Variants in CPA5 observed in about 807,000 individuals in gnomAD.
CPA5 encodes the protein carboxypeptidase A5.
CPA5 carries 38 observed loss-of-function variants against 52.2 expected under a neutral mutation model. The ratio of observed to expected loss-of-function variants is 0.73; its 90% CI spans 0.56 to 0.95. CPA5 has a LOEUF of 0.95. CPA5 is among the 40% of genes least tolerant of loss of function. The probability of loss-of-function intolerance (pLI) is 0.00; values close to 1 mark genes in which losing one functional copy is unlikely to be tolerated. For synonymous variants in CPA5, 198 were observed against 213.7 expected, an observed-to-expected ratio of 0.93 and a Z score of 0.64; for missense variants, 519 against 566.7, an observed-to-expected ratio of 0.92 and a Z score of 0.86.
chr7:130,352,283 A>G (rs1554404112), intron 5 of CPA5, among the ~76,000 whole-genome samples: 2 of 152,218 alleles, frequency 1.3e-5, no homozygotes, highest in East Asian at 1.9e-4. Flanking sequence ...TGTGCTGTGC[A>G]TCGGGCAAGG....
chr7:130,364,744 G>T (rs1795981571), intron 10 of CPA5, among the ~76,000 whole-genome samples: 1 of 152,234 alleles, frequency 6.6e-6, no homozygotes, highest in Non-Finnish European at 1.5e-5. Context: ...TCCCAGTGAG[G>T]GGGAGGGGGC....
chr7:130,368,403 T>A lies in CPA5; in HGVS notation c.1124-7T>A. ...TGTGGGGCACATTTTGGAACTTTTG[T>A]TTCTAGATGTGGCCAGTGGGATCAC... is the stretch of plus-strand genomic sequence containing the variant. On this transcript the variant is annotated splice_polypyrimidine_tract_variant and splice_region_variant and intron_variant, in intron 12 of 12. Coordinates refer to ENST00000474905, the MANE Select transcript of CPA5 (RefSeq NM_080385.5). 6.2e-7 allele frequency: 1 copy of A among 1,613,218 alleles called. No individual in the cohort carries two copies. Among genetic ancestry groups the A allele is most frequent in the Non-Finnish European group, 8.5e-7 (1 of 1,179,478 alleles).
chr7:130,359,444 T>G, intron 5 of CPA5, 145 bp from the exon 6 acceptor site: 1 of 580,042 alleles, frequency 1.7e-6, no homozygotes, highest in Non-Finnish European at 3.1e-6. Context: ...TGGACCTTCC[T>G]TCTGTTGTGC....
At chr7:130,371,740 A>C (rs2117486001), downstream of CPA5, among the ~76,000 whole-genome samples, 1 of 152,152 alleles carries the variant, frequency 6.6e-6, no homozygotes, top group East Asian at 1.9e-4. Flanking sequence ...TATTTTTAGT[A>C]GAGACAGGGT....
chr7:130,354,644 C>A (rs1156379312), intron 5 of CPA5, among the ~76,000 whole-genome samples: 1 of 151,916 alleles, frequency 6.6e-6, no homozygotes, highest in Non-Finnish European at 1.5e-5. Flanking sequence ...AAACTCCTGG[C>A]CTCAAGTGAT....
intron 5 of CPA5, among the ~76,000 whole-genome samples, chr7:130,357,799 T>C (rs1795565190): frequency 6.6e-6 from 1 of 152,212 alleles, no homozygotes. Flanking sequence ...TCAGGGGTCC[T>C]TGAGTTTTCA....
At chr7:130,348,611 C>G (rs1362282545) in intron 4 of CPA5, among the ~76,000 whole-genome samples, 1 of 152,182 alleles carries the variant, frequency 6.6e-6, no homozygotes, top group African/African-American at 2.4e-5. Context: ...GTGTTCATGT[C>G]CCAGATGATG....
chr7:130,366,478 G>A (rs1464365541), intron 10 of CPA5, among the ~76,000 whole-genome samples: 1 of 152,176 alleles, frequency 6.6e-6, no homozygotes, highest in African/African-American at 2.4e-5. Flanking sequence ...CAGAGATGGG[G>A]CGAAGGCAAA....
chr7:130,362,925 AC>A lies in CPA5; in HGVS notation c.679del (p.Leu227Ter). 6.2e-7 allele frequency: 1 copy of A among 1,613,774 alleles called. No individual in the cohort carries two copies. The highest frequency in any genetic ancestry group is 8.5e-7 in the Non-Finnish European group (1 of 1,179,760). ...YGKDRVLTDI[L>X]NAMDIFIELV... ...GCAAAGACCGTGTCCTGACAGACAT[AC>A]TGAATGCCATGGACATCTTCATAGA... On this transcript the variant is annotated frameshift_variant, in exon 9 of 13. Coordinates refer to ENST00000474905, the MANE Select transcript of CPA5 (RefSeq NM_080385.5). LOFTEE classifies it high-confidence loss of function.
chr7:130,374,397 T>G, the CPA5 span, among the ~76,000 whole-genome samples: 1 of 152,116 alleles, frequency 6.6e-6, no homozygotes, highest in Non-Finnish European at 1.5e-5. Flanking sequence ...ACCAGGCTCT[T>G]GCTCTGGGGC....
downstream of CPA5, among the ~76,000 whole-genome samples, chr7:130,372,298 A>T (rs1290619067): frequency 6.6e-6 from 1 of 152,210 alleles, no homozygotes; most frequent in African/African-American, 2.4e-5. Flanking sequence ...CACACAGAAG[A>T]TTCTCTATAT....
chr7:130,346,149 C>T (rs1237768957), intron 2 of CPA5, among the ~76,000 whole-genome samples: 1 of 152,152 alleles, frequency 6.6e-6, no homozygotes, highest in African/African-American at 2.4e-5. Context: ...GAGGGGTATC[C>T]CAGGGCTGCT....
At chr7:130,367,700 C>G (rs782282989) in intron 11 of CPA5, 129 bp downstream of exon 11, 1 of 975,352 alleles carries the variant, frequency 1.0e-6, no homozygotes, top group South Asian at 1.4e-5. Flanking sequence ...CCCCATGGTG[C>G]GGGGGTGGGG....
chr7:130,351,968 G>T (rs1274081233), intron 5 of CPA5, among the ~76,000 whole-genome samples: 3 of 152,076 alleles, frequency 2.0e-5, no homozygotes, highest in Admixed American at 6.5e-5. Context: ...CTCAGCCAAG[G>T]TTCAGCTCCA....
chr7:130,351,073 G>T (rs935148371), intron 5 of CPA5, among the ~76,000 whole-genome samples: 4 of 152,194 alleles, frequency 2.6e-5, no homozygotes, highest in Non-Finnish European at 5.9e-5. Context: ...GGGGATCAAC[G>T]CATCAGGCAG....
intron 5 of CPA5, among the ~76,000 whole-genome samples, chr7:130,357,952 CTGTGTGTG>C (rs60840017): frequency 0.012 from 1,630 of 140,020 alleles, 11 homozygotes; most frequent in South Asian, 0.028. Context: ...TTTTGTGCCT[CTGTGTGTG>C]TGTGTGTGTG....
chr7:130,373,998 G>A, the CPA5 span, among the ~76,000 whole-genome samples: 4 of 144,664 alleles, frequency 2.8e-5, no homozygotes, highest in South Asian at 4.2e-4. Context: ...CCCCCACCCC[G>A]CCGCCCATTA....
chr7:130,358,083 A>G (rs1422301484), intron 5 of CPA5, among the ~76,000 whole-genome samples: 1 of 151,046 alleles, frequency 6.6e-6, no homozygotes, highest in African/African-American at 2.4e-5. Context: ...CTAGCCTCCA[A>G]CTCCCGGGCT....
chr7:130,351,946 T>C (rs1795172693), intron 5 of CPA5, among the ~76,000 whole-genome samples: 1 of 152,084 alleles, frequency 6.6e-6, no homozygotes, highest in South Asian at 2.1e-4. Flanking sequence ...TTTGTTCCTC[T>C]GGCCCCCTCC....
Sources: gnomAD v4.1 joint callset for allele counts (sites outside exome capture counted in the v4.1 genomes callset) on GRCh38, gnomAD v4.1.1 for gene constraint, MANE v1.5 for transcripts, NCBI Gene and HGNC (gene_info 2026-07-23, HGNC 2026-07-21) for gene names.